Variants in ERBB4 observed in about 807,000 individuals in gnomAD.
The protein encoded by ERBB4 is erb-b2 receptor tyrosine kinase 4, also known as receptor tyrosine-protein kinase erbB-4.
A neutral mutation model predicts 158.0 loss-of-function variants in ERBB4; 42 were observed. That is an observed-to-expected ratio of 0.27 (90% CI 0.21 to 0.34). The LOEUF (loss-of-function observed/expected upper bound fraction) is 0.34, where lower values mean the gene tolerates loss of function less well. Among genes scored for constraint, ERBB4 ranks in the 10% least tolerant of loss-of-function variants. The probability of loss-of-function intolerance (pLI) is 1.00; values close to 1 mark genes in which losing one functional copy is unlikely to be tolerated. For synonymous variants in ERBB4, 583 were observed against 558.7 expected (o/e 1.04, Z -0.61); for missense variants, 1,333 against 1,624.1 (o/e 0.82, Z 3.08).
intron 1 of ERBB4, among the ~76,000 whole-genome samples, chr2:212,446,661 A>C: frequency 8.8e-6 from 1 of 114,152 alleles, no homozygotes; most frequent in Non-Finnish European, 1.8e-5. Context: ...GTCCCTCTAG[A>C]GAACCCTGAC....
At chr2:212,383,223 A>G (rs2090568361) in intron 1 of ERBB4, among the ~76,000 whole-genome samples, 1 of 151,380 alleles carries the variant, frequency 6.6e-6, no homozygotes, top group Admixed American at 6.6e-5. Flanking sequence ...TTTTTCCCAG[A>G]TGACTTACCA....
chr2:211,415,107 CTTTTTTTT>C (rs71047175), intron 25 of ERBB4, among the ~76,000 whole-genome samples: 45 of 72,538 alleles, frequency 6.2e-4, no homozygotes, highest in African/African-American at 1.9e-3. Context: ...CTTACATTTT[CTTTTTTTT>C]TTTTTTTTTT....
intron 2 of ERBB4, among the ~76,000 whole-genome samples, chr2:212,119,260 T>C (rs1185486586): frequency 6.6e-6 from 1 of 152,176 alleles, no homozygotes; most frequent in Non-Finnish European, 1.5e-5. Flanking sequence ...ACTCACTATA[T>C]GATCTACATT....
At chr2:212,155,807 T>C (rs1384866054) in intron 1 of ERBB4, among the ~76,000 whole-genome samples, 1 of 152,140 alleles carries the variant, frequency 6.6e-6, no homozygotes, top group Admixed American at 6.6e-5. Context: ...GTTGAAGCTA[T>C]TGCAAAATAT....
At chr2:211,749,191 C>T (rs74790700) in intron 5 of ERBB4, among the ~76,000 whole-genome samples, 4 of 152,248 alleles carry the variant, frequency 2.6e-5, no homozygotes, top group East Asian at 1.9e-4. Context: ...ACATTGCTCT[C>T]GGTAGAACTA....
intron 15 of ERBB4, among the ~76,000 whole-genome samples, chr2:211,661,058 G>A (rs1342672631): frequency 6.6e-6 from 1 of 151,986 alleles, no homozygotes; most frequent in Non-Finnish European, 1.5e-5. Context: ...GAGCGGGGAG[G>A]GACTGAGGGA....
chr2:211,734,924 A>G (rs2074555125), intron 5 of ERBB4, among the ~76,000 whole-genome samples: 1 of 151,296 alleles, frequency 6.6e-6, no homozygotes, highest in Non-Finnish European at 1.5e-5. Context: ...AAAAAAAAAA[A>G]AAAAAAAGAC....
chr2:211,457,287 ATTAC>A (rs1197478843), intron 20 of ERBB4, among the ~76,000 whole-genome samples: 3 of 152,212 alleles, frequency 2.0e-5, no homozygotes, highest in Non-Finnish European at 4.4e-5. Flanking sequence ...TTTAAAAATA[ATTAC>A]TTCTTTATAG....
At chr2:212,452,425 T>C (rs1419455411) in intron 1 of ERBB4, among the ~76,000 whole-genome samples, 2 of 152,210 alleles carry the variant, frequency 1.3e-5, no homozygotes, top group African/African-American at 4.8e-5. Flanking sequence ...CTACACACAC[T>C]CAAATGTGCA....
rs539959668 is a variant in ERBB4, at chr2:212,474,822, C to CTTTTTTTTTTTTT, written c.82+63614_82+63626dup. Among the ~76,000 whole-genome samples, 81 of 94,408 alleles carry CTTTTTTTTTTTTT rather than the reference C, an allele frequency of 8.6e-4. 10 individuals are homozygous for CTTTTTTTTTTTTT. Among genetic ancestry groups the CTTTTTTTTTTTTT allele is most frequent in the African/African-American group, 3.7e-3 (60 of 16,426 alleles). The allele number at this position is 94,408 out of a possible 152,430, so 61.9% of individuals were successfully genotyped here. A position where few individuals can be genotyped will look rare whatever the true frequency, so the allele number is the denominator to read the frequency against. On this transcript the variant is annotated intron_variant, in intron 1 of 27. Transcript: ENST00000342788. ...CACCATTTCCTGACACCCGGCCATTCTTTTTTTTTTTTTTTTTTGTCAAGA... is the reference window on the plus strand; with the variant it reads ...CACCATTTCCTGACACCCGGCCATTCTTTTTTTTTTTTTTTTTTTTTTTTTTTTTTTGTCAAGA...
At chr2:211,571,592 T>C (rs1209660581) in intron 19 of ERBB4, among the ~76,000 whole-genome samples, 1 of 152,176 alleles carries the variant, frequency 6.6e-6, no homozygotes, top group Non-Finnish European at 1.5e-5. Context: ...AATATAACTA[T>C]ACAAAACCAT....
intron 2 of ERBB4, among the ~76,000 whole-genome samples, chr2:212,071,183 TG>T (rs774690807): frequency 6.6e-6 from 1 of 151,950 alleles, no homozygotes; most frequent in Non-Finnish European, 1.5e-5. Flanking sequence ...GACCATCTAT[TG>T]GCAGATATAA....
chr2:212,265,002 G>C (rs972369836), intron 1 of ERBB4, among the ~76,000 whole-genome samples: 1 of 151,980 alleles, frequency 6.6e-6, no homozygotes, highest in Non-Finnish European at 1.5e-5. Context: ...TCTTCCCCTG[G>C]AAAATCCCCT....
intron 2 of ERBB4, among the ~76,000 whole-genome samples, chr2:211,994,699 G>A (rs4673645): frequency 0.82 from 124,417 of 152,122 alleles, 52,600 homozygotes; most frequent in Non-Finnish European, 0.94. Flanking sequence ...TCTTCTAGAC[G>A]TGAGTTGTAC....
At chr2:211,691,411 TG>T (rs1388203147) in intron 12 of ERBB4, among the ~76,000 whole-genome samples, 4 of 152,180 alleles carry the variant, frequency 2.6e-5, no homozygotes, top group South Asian at 4.1e-4. Context: ...GTGTTTATTT[TG>T]AAAAATATTT....
chr2:212,105,446 G>A (rs753733341), intron 2 of ERBB4, among the ~76,000 whole-genome samples: 16 of 152,010 alleles, frequency 1.1e-4, no homozygotes, highest in East Asian at 1.9e-4. Context: ...TGTCACTCCC[G>A]TTTTCAAAGG....
rs541125015 is a variant in ERBB4, at chr2:211,601,493, G to GA, written c.2301+17683dup. ...TCAAGAGCTCAGAACAATGAATGAAGAAAAAAAAAAGCCCCAACTTTCATT... is the reference window on the plus strand; with the variant it reads ...TCAAGAGCTCAGAACAATGAATGAAGAAAAAAAAAAAGCCCCAACTTTCATT... On this transcript the variant is annotated intron_variant, in intron 19 of 27. Coordinates refer to ENST00000342788, the MANE Select transcript of ERBB4 (RefSeq NM_005235.3). 1.0e-3 allele frequency among the ~76,000 whole-genome samples: 144 copies of GA among 139,268 alleles called. 1 individual carries two copies. Among genetic ancestry groups the GA allele is most frequent in the South Asian group, 2.0e-3 (9 of 4,438 alleles). 91.4% of individuals were successfully genotyped at this position (139,268 alleles called of 152,430 possible). A position where few individuals can be genotyped will look rare whatever the true frequency, so the allele number is the denominator to read the frequency against.
chr2:211,475,292 T>G (rs1441918572), intron 20 of ERBB4, among the ~76,000 whole-genome samples: 1 of 152,086 alleles, frequency 6.6e-6, no homozygotes, highest in Admixed American at 6.6e-5. Flanking sequence ...TTGCATTCAG[T>G]ATTGTTATAA....
At chr2:211,533,284 A>T (rs2066551458) in intron 20 of ERBB4, among the ~76,000 whole-genome samples, 1 of 152,048 alleles carries the variant, frequency 6.6e-6, no homozygotes, top group Non-Finnish European at 1.5e-5. Context: ...TGAATTATAT[A>T]CAGTCTTGTG....
Sources: allele counts gnomAD v4.1 joint callset (sites outside exome capture counted in the v4.1 genomes callset), GRCh38; gene constraint gnomAD v4.1.1; transcripts MANE v1.5; gene names NCBI Gene and HGNC (gene_info 2026-07-23, HGNC 2026-07-21).